Variants in CACNA1B observed in about 807,000 individuals in gnomAD.
CACNA1B encodes calcium voltage-gated channel subunit alpha1 B, also known as voltage-dependent N-type calcium channel subunit alpha-1B.
Under a neutral mutation model 247.2 loss-of-function variants are expected in CACNA1B, and 70 were observed. The ratio of observed to expected loss-of-function variants is 0.28; its 90% CI spans 0.23 to 0.35. The LOEUF is 0.35. Among genes scored for constraint, CACNA1B ranks in the 10% least tolerant of loss-of-function variants. The probability of loss-of-function intolerance (pLI) is 1.00; values close to 1 mark genes in which losing one functional copy is unlikely to be tolerated. For missense variants in CACNA1B, 2,367 were observed against 3,197.4 expected (o/e 0.74, Z 6.26); for synonymous variants, 1,231 against 1,294.4 (o/e 0.95, Z 1.05).
At position 137,972,029 on chromosome 9, in the gene CACNA1B, AG is replaced by A. The variant is rs530146076; in HGVS notation, c.1543+443del. ...CTGCTGATTCTGCCCCGGGTTCCTG[AG>A]GGGGGAGTCCTGGCTTCTTACCCTC... On this transcript the variant is annotated intron_variant, in intron 11 of 46. Coordinates refer to ENST00000371372, the MANE Select transcript of CACNA1B (RefSeq NM_000718.4). Among the ~76,000 whole-genome samples, 7 of 151,988 alleles carry A rather than the reference AG, an allele frequency of 4.6e-5. No individual in the cohort carries two copies. The South Asian group carries it at 6.2e-4, about 14-fold the overall frequency.
rs777472934 is a variant in CACNA1B, at chr9:138,115,662, C to T, written c.5760C>T (p.Leu1920=). 2.5e-6 allele frequency: 4 copies of T among 1,613,394 alleles called. No homozygotes were observed. The highest frequency in any genetic ancestry group is 2.2e-5 in the South Asian group (2 of 90,968). ...VFLRQKSSTS[L]SNGGAIQNQE... is the part of the protein sequence containing the mutation. ...TTCGACAGAAGAGTTCCACCTCCCTCAGCAATGGCGGGGCCATGTGAGTAT... is the reference window on the plus strand; with the variant it reads ...TTCGACAGAAGAGTTCCACCTCCCTTAGCAATGGCGGGGCCATGTGAGTAT... The change falls in exon 42 of 47, where the codon CTC becomes CTT. Residue 1920 remains leucine (L), a synonymous_variant. Transcript: ENST00000371372.
Position 138,122,037 on chromosome 9 carries a change from C to T in CACNA1B, c.*38C>T, listed in dbSNP as rs569539675. The stretch of plus-strand genomic sequence containing the variant: ...CGCTCAGACGCCTGCATGCAGCAGG[C>T]GTGTGTTCCAGTGGATGAGTTTTAT... On this transcript the variant is annotated 3_prime_UTR_variant, in exon 47 of 47. Transcript: ENST00000371372. 5.8e-6 allele frequency: 9 copies of T among 1,544,070 alleles called. No individual in the cohort carries two copies. The highest frequency in any genetic ancestry group is 2.7e-5 in the African/African-American group (2 of 73,444).
At chr9:138,092,585 G>A (rs775725750) in intron 36 of CACNA1B, among the ~76,000 whole-genome samples, 5 of 152,120 alleles carry the variant, frequency 3.3e-5, no homozygotes, top group African/African-American at 4.8e-5. Context: ...TACAGATAAC[G>A]CAATCATCAC....
rs967285291 is a variant in CACNA1B, at chr9:137,990,344, C to T, written c.1974+3490C>T. ...TGAGCTCAGACACCCTATTCCTGCC[C>T]CCACCTGGTGGTCTTTCTCTACCCA... On this transcript the variant is annotated intron_variant, in intron 15 of 46. Transcript: ENST00000371372. The surrounding 1 kb of genome is among the most constrained non-coding windows in gnomAD (Gnocchi z 4.5). Among the ~76,000 whole-genome samples, 1 of 152,082 alleles carries T rather than the reference C, an allele frequency of 6.6e-6. No homozygotes were observed. The highest frequency in any genetic ancestry group is 1.5e-5 in the Non-Finnish European group (1 of 68,004).
chr9:138,085,492 A>G (rs1012702755), intron 36 of CACNA1B, among the ~76,000 whole-genome samples: 5 of 151,290 alleles, frequency 3.3e-5, no homozygotes, highest in Non-Finnish European at 7.3e-5. Context: ...GAAAATTCCC[A>G]AGTCTGGGGA....
At chr9:138,111,704 C>T (rs1013986698) in intron 39 of CACNA1B, among the ~76,000 whole-genome samples, 1 of 152,186 alleles carries the variant, frequency 6.6e-6, no homozygotes, top group Non-Finnish European at 1.5e-5. Context: ...GCTCAAAACC[C>T]TCCACTGCCT....
At chr9:137,901,502 T>C (rs1283806901) in intron 3 of CACNA1B, among the ~76,000 whole-genome samples, 2 of 152,010 alleles carry the variant, frequency 1.3e-5, no homozygotes, top group Non-Finnish European at 2.9e-5. Context: ...ATTTTTGTAT[T>C]TTTAGTAGCG....
intron 3 of CACNA1B, among the ~76,000 whole-genome samples, chr9:137,911,255 A>G (rs1455911533): frequency 6.6e-6 from 1 of 151,996 alleles, no homozygotes; most frequent in Non-Finnish European, 1.5e-5. Flanking sequence ...TTTGTTTAAT[A>G]GTTTACTGTT....
At chr9:138,071,465 C>T (rs1389687590) in intron 32 of CACNA1B, among the ~76,000 whole-genome samples, 2 of 152,190 alleles carry the variant, frequency 1.3e-5, no homozygotes, top group East Asian at 3.9e-4. Context: ...CTCCTGCATG[C>T]AGCTGGCATG....
chr9:138,013,767 T>C (rs1449101425), intron 18 of CACNA1B, among the ~76,000 whole-genome samples: 1 of 152,218 alleles, frequency 6.6e-6, no homozygotes, highest in Non-Finnish European at 1.5e-5. Flanking sequence ...TTAGGGGCTT[T>C]AGAGTTTGGG....
At chr9:137,918,523 C>T (rs115217469) in intron 6 of CACNA1B, among the ~76,000 whole-genome samples, 49 of 152,114 alleles carry the variant, frequency 3.2e-4, no homozygotes, top group Admixed American at 2.4e-3. Context: ...GGGAGGGGGC[C>T]GGAGTGCAAG....
chr9:138,096,323 C>A (rs1433381085), intron 36 of CACNA1B, among the ~76,000 whole-genome samples, 161 bp from the exon 37 acceptor site: 1 of 151,910 alleles, frequency 6.6e-6, no homozygotes, highest in African/African-American at 2.4e-5. Flanking sequence ...GGCAGGAAGT[C>A]TTGGAAGTCC....
At chr9:137,948,775 G>A (rs1198718109) in intron 6 of CACNA1B, among the ~76,000 whole-genome samples, 2 of 148,228 alleles carry the variant, frequency 1.3e-5, no homozygotes, top group African/African-American at 5.0e-5. Context: ...TCTGGTGCAT[G>A]TGGTATGTGT....
chr9:137,926,285 G>A (rs1341397398), intron 6 of CACNA1B, among the ~76,000 whole-genome samples: 2 of 151,826 alleles, frequency 1.3e-5, no homozygotes, highest in African/African-American at 2.4e-5. Context: ...GGCCAGGCTG[G>A]TCTTGAACTC....
intron 15 of CACNA1B, among the ~76,000 whole-genome samples, chr9:137,991,029 T>G (rs1403534736): frequency 1.3e-5 from 2 of 152,044 alleles, no homozygotes; most frequent in African/African-American, 4.8e-5. Context: ...CAAAACAAGG[T>G]TCTTAAACAC....
rs777326436 is a variant in CACNA1B, at chr9:137,914,799, C to T, written c.768C>T (p.Asn256=). Residue 256 remains asparagine (N), a synonymous_variant, in exon 5 of 47, where the codon AAC becomes AAT. Transcript: ENST00000371372. This position sits in a 1 kb window ranked among gnomAD's most constrained non-coding sequence, Gnocchi z 4.3. ...AGTTCCACAAGGCCTGTTTCCCCAA[C>T]AGCACAGGTGAGGCCAGGCAGCACC... ...MGKFHKACFP[N]STDAEPVGDF... 30 of 1,613,810 alleles carry T rather than the reference C, an allele frequency of 1.9e-5. No homozygotes were observed. Among genetic ancestry groups the T allele is most frequent in the Non-Finnish European group, 2.4e-5 (28 of 1,179,868 alleles).
In CACNA1B at chr9:138,120,060, G is replaced by A. The variant is rs573649169; in HGVS notation, c.6031-105G>A. On this transcript the variant is annotated intron_variant, in intron 44 of 46. Transcript: ENST00000371372. The stretch of plus-strand genomic sequence containing the variant: ...TCTGACTGTGAGACCAGGATGGGGG[G>A]CGTGTGGGCCTGCTGTCTGGCCTGC... 17,810 of 923,138 alleles carry A rather than the reference G, an allele frequency of 0.019. 867 individuals are homozygous for A. Among genetic ancestry groups the A allele is most frequent in the East Asian group, 0.17 (6,513 of 37,536 alleles). 57.2% of individuals were successfully genotyped at this position (923,138 alleles called of 1,614,324 possible).
In CACNA1B at chr9:138,020,603, C is replaced by T. The variant is rs760939754; in HGVS notation, c.2268-2408C>T. ...GGCAGATGCAGACAGTCTCTGGTGA[C>T]GTTAGGGCTGACAGTGGCAGATAGG... is the stretch of plus-strand genomic sequence containing the variant. On this transcript the variant is annotated intron_variant, in intron 18 of 46. Transcript: ENST00000371372. The surrounding 1 kb of genome is among the most constrained non-coding windows in gnomAD (Gnocchi z 4.1). Among the ~76,000 whole-genome samples, 22 of 152,226 alleles carry T rather than the reference C, an allele frequency of 1.4e-4. No homozygotes were observed. Among genetic ancestry groups the T allele is most frequent in the Admixed American group, 7.8e-4 (12 of 15,292 alleles).
At chr9:138,006,981 G>A (rs566698392) in intron 16 of CACNA1B, 97 bp downstream of exon 16, 8 of 688,460 alleles carry the variant, frequency 1.2e-5, no homozygotes, top group East Asian at 2.7e-5. Flanking sequence ...ACTAGGGGCC[G>A]TGGACGTGAG....
Sources: gnomAD v4.1 joint callset for allele counts (sites outside exome capture counted in the v4.1 genomes callset) on GRCh38, gnomAD v4.1.1 for gene constraint, Gnocchi (gnomAD v3.1) non-coding constraint, MANE v1.5 for transcripts, NCBI Gene and HGNC (gene_info 2026-07-23, HGNC 2026-07-21) for gene names.